NMNAT2: variants seen among roughly 807,000 people sequenced by gnomAD.
The protein encoded by NMNAT2 is nicotinamide nucleotide adenylyltransferase 2.
A neutral mutation model predicts 41.6 loss-of-function variants in NMNAT2; 11 were observed. The observed-to-expected ratio is 0.26, with a 90% CI of 0.17 to 0.44. NMNAT2 has a LOEUF of 0.44. Among genes scored for constraint, NMNAT2 ranks in the 20% least tolerant of loss-of-function variants. The pLI is 1.00. For synonymous variants in NMNAT2, 148 were observed against 151.2 expected (o/e 0.98, Z 0.16); for missense variants, 288 against 407.7 (o/e 0.71, Z 2.53).
chr1:183,416,013 A>T (rs1477354588), intron 1 of NMNAT2, among the ~76,000 whole-genome samples: 1 of 152,070 alleles, frequency 6.6e-6, no homozygotes, highest in African/African-American at 2.4e-5. Flanking sequence ...TTCTTATACT[A>T]AGTAAATAAT....
At chr1:183,276,077 G>A (rs975328633) in intron 8 of NMNAT2, among the ~76,000 whole-genome samples, 1 of 152,180 alleles carries the variant, frequency 6.6e-6, no homozygotes, top group African/African-American at 2.4e-5. Context: ...TCCAGGGGAT[G>A]TTCCAAAGTC....
intron 1 of NMNAT2, among the ~76,000 whole-genome samples, chr1:183,298,098 A>T (rs1278445821): frequency 6.6e-6 from 1 of 152,252 alleles, no homozygotes; most frequent in East Asian, 1.9e-4. Flanking sequence ...CTAACATCAT[A>T]CTTAGTGGTG....
chr1:183,264,543 C>T (rs1660754307), intron 8 of NMNAT2, among the ~76,000 whole-genome samples: 1 of 152,108 alleles, frequency 6.6e-6, no homozygotes, highest in Non-Finnish European at 1.5e-5. Flanking sequence ...CTCTCTGCTC[C>T]TTTGGCCAGA....
chr1:183,374,842 C>T (rs927346911), intron 1 of NMNAT2, among the ~76,000 whole-genome samples: 9 of 152,248 alleles, frequency 5.9e-5, no homozygotes, highest in African/African-American at 2.2e-4. Flanking sequence ...AGTGTCACTT[C>T]CCCAGATGCT....
At chr1:183,363,935 T>C (rs566170868) in intron 1 of NMNAT2, among the ~76,000 whole-genome samples, 1 of 152,342 alleles carries the variant, frequency 6.6e-6, no homozygotes, top group South Asian at 2.1e-4. Flanking sequence ...GGCAACCTAG[T>C]AATTTTAGTC....
chr1:183,255,265 A>G (rs1334473345), intron 10 of NMNAT2, among the ~76,000 whole-genome samples: 1 of 152,178 alleles, frequency 6.6e-6, no homozygotes, highest in African/African-American at 2.4e-5. Flanking sequence ...ATTCGGTTCC[A>G]CTGCTCTATG....
chr1:183,271,197 CTT>C (rs751471665), intron 8 of NMNAT2, among the ~76,000 whole-genome samples: 1 of 152,200 alleles, frequency 6.6e-6, no homozygotes, highest in Non-Finnish European at 1.5e-5. Context: ...TGCAAATACT[CTT>C]GAGAGCAGCT....
chr1:183,384,394 T>G (rs1663866841), intron 1 of NMNAT2, among the ~76,000 whole-genome samples: 1 of 152,134 alleles, frequency 6.6e-6, no homozygotes, highest in South Asian at 2.1e-4. Flanking sequence ...GAGACAGGGT[T>G]TCACCATGTT....
chr1:183,334,672 G>A (rs181616326), intron 1 of NMNAT2, among the ~76,000 whole-genome samples: 1 of 151,622 alleles, frequency 6.6e-6, no homozygotes, highest in Non-Finnish European at 1.5e-5. Context: ...ACCAAGCCCA[G>A]CTAATTTTTG....
At chr1:183,328,947 G>T (rs1311067183) in intron 1 of NMNAT2, among the ~76,000 whole-genome samples, 1 of 152,198 alleles carries the variant, frequency 6.6e-6, no homozygotes, top group South Asian at 2.1e-4. Flanking sequence ...TGGGGCTGTG[G>T]TTGTCTGTTT....
intron 1 of NMNAT2, among the ~76,000 whole-genome samples, chr1:183,362,752 T>G (rs1206940965): frequency 6.6e-6 from 1 of 152,260 alleles, no homozygotes; most frequent in African/African-American, 2.4e-5. Flanking sequence ...AGTGTTTCAA[T>G]TGTTTTCAAT....
chr1:183,389,808 GAA>G (rs1172273857), intron 1 of NMNAT2, among the ~76,000 whole-genome samples: 1 of 61,540 alleles, frequency 1.6e-5, no homozygotes, highest in African/African-American at 5.5e-5. Context: ...AAGAAAGAAA[GAA>G]AGAAAGAAAG....
At chr1:183,300,987 T>A (rs1661835083) in intron 1 of NMNAT2, among the ~76,000 whole-genome samples, 1 of 152,194 alleles carries the variant, frequency 6.6e-6, no homozygotes, top group Non-Finnish European at 1.5e-5. Context: ...GAGATCAGAG[T>A]CAAGATTGGC....
At chr1:183,281,076 C>T (rs988590713) in intron 7 of NMNAT2, among the ~76,000 whole-genome samples, 10 of 152,128 alleles carry the variant, frequency 6.6e-5, no homozygotes, top group African/African-American at 1.9e-4. Flanking sequence ...TGAGTCACCG[C>T]GCCCAGCCTA....
At chr1:183,306,065 C>T (rs1026435155) in intron 1 of NMNAT2, among the ~76,000 whole-genome samples, 9 of 152,120 alleles carry the variant, frequency 5.9e-5, no homozygotes, top group African/African-American at 2.2e-4. Flanking sequence ...TCTCTACTTC[C>T]TCTAGTAAGA....
chr1:183,414,551 G>C (rs902887638), intron 1 of NMNAT2, among the ~76,000 whole-genome samples: 10 of 152,168 alleles, frequency 6.6e-5, no homozygotes, highest in Non-Finnish European at 4.4e-5. Flanking sequence ...TAATGAGGCA[G>C]ACCCATGAGA....
At chr1:183,383,252 G>A (rs955155496) in intron 1 of NMNAT2, among the ~76,000 whole-genome samples, 2 of 152,184 alleles carry the variant, frequency 1.3e-5, no homozygotes, top group African/African-American at 4.8e-5. Context: ...CTGAGGCTGT[G>A]CAGGGCAGCA....
chr1:183,386,718 A>C (rs1648257735), intron 1 of NMNAT2, among the ~76,000 whole-genome samples: 1 of 152,182 alleles, frequency 6.6e-6, no homozygotes, highest in African/African-American at 2.4e-5. Flanking sequence ...CATTTTGCAC[A>C]AAATAAAAAA....
intron 1 of NMNAT2, among the ~76,000 whole-genome samples, chr1:183,376,829 GC>G (rs1297795023): frequency 2.6e-5 from 4 of 152,132 alleles, no homozygotes; most frequent in African/African-American, 9.7e-5. Flanking sequence ...GAGGTAGAGT[GC>G]CCATCTCCTT....
Sources: allele counts gnomAD v4.1 joint callset (sites outside exome capture counted in the v4.1 genomes callset), GRCh38; gene constraint gnomAD v4.1.1; transcripts MANE v1.5; gene names NCBI Gene and HGNC (gene_info 2026-07-23, HGNC 2026-07-21).